Variants in CCNI2 observed in about 807,000 individuals in gnomAD.
CCNI2 encodes cyclin I family member 2.
In CCNI2, 32 loss-of-function variants were observed where a neutral mutation model predicts 33.2. That is an observed-to-expected ratio of 0.96 (90% CI 0.73 to 1.30). The LOEUF is 1.30. Among genes scored for constraint, CCNI2 ranks in the 50% most tolerant of loss-of-function variants. CCNI2 has a pLI of 0.00. For missense variants in CCNI2, 452 were observed against 486.2 expected (o/e 0.93, Z 0.66); for synonymous variants, 231 against 219.9 (o/e 1.05, Z -0.45).
At chr5:132,752,322 A>G in intron 5 of CCNI2, 126 bp downstream of exon 5, 4 of 1,144,718 alleles carry the variant, frequency 3.5e-6, no homozygotes, top group South Asian at 1.6e-5. Flanking sequence ...AACCCTGGAA[A>G]GAGTCTGCCC....
chr5:132,748,833 T>G (rs1754684482), intron 2 of CCNI2, among the ~76,000 whole-genome samples: 1 of 152,122 alleles, frequency 6.6e-6, no homozygotes, highest in Admixed American at 6.6e-5. Flanking sequence ...AGTCCCGAAA[T>G]GAAGGAATAC....
In CCNI2 at chr5:132,747,522, G is replaced by T. The variant is rs779276859; in HGVS notation, c.27G>T (p.Pro9=). 2.0e-6 allele frequency: 3 copies of T among 1,498,816 alleles called. No homozygotes were observed. Among genetic ancestry groups the T allele is most frequent in the East Asian group, 5.6e-5 (2 of 35,460 alleles). 92.8% of individuals were successfully genotyped at this position (1,498,816 alleles called of 1,614,324 possible). Residue 9 remains proline (P), a synonymous_variant, in exon 1 of 6, where the codon CCG becomes CCT. Coordinates refer to ENST00000378731, the MANE Select transcript of CCNI2 (RefSeq NM_001039780.4). The surrounding 1 kb of genome is among the most constrained non-coding windows in gnomAD (Gnocchi z 4.1). MASGAQLP[P]QPSSSEVSAV... ...TGGCCTCGGGCGCTCAGCTCCCGCC[G>T]CAGCCGTCGAGCTCAGAGGTCAGCG... is the stretch of plus-strand genomic sequence containing the variant.
In CCNI2 at chr5:132,753,290, T is replaced by C; in HGVS notation, c.*320T>C. Reference sequence around the variant, plus strand: ...TTTACCTTCCTTCTCCAGCAAGGGTTGGCATTGGCCCCTGGGAGCGCTGGA... The same window carrying C: ...TTTACCTTCCTTCTCCAGCAAGGGTCGGCATTGGCCCCTGGGAGCGCTGGA... On this transcript the variant is annotated 3_prime_UTR_variant, in exon 6 of 6. Transcript: ENST00000378731. 1 of 314,444 alleles carries C rather than the reference T, an allele frequency of 3.2e-6. No homozygotes were observed. Among genetic ancestry groups the C allele is most frequent in the Non-Finnish European group, 6.1e-6 (1 of 164,132 alleles). 19.5% of individuals were successfully genotyped at this position (314,444 alleles called of 1,614,324 possible). A position where few individuals can be genotyped will look rare whatever the true frequency, so the allele number is the denominator to read the frequency against.
chr5:132,749,409 A>T lies in CCNI2; in HGVS notation c.620A>T (p.Asn207Ile). ...ITSLRLAAKV[N>I]EEEEFIPQVK... ...TCCTTGAGGCTCGCTGCAAAAGTTA[A>T]TGAAGAAGAGGAGGTATGCATCCTT... The change falls in exon 3 of 6, where the codon AAT becomes ATT. Residue 207 changes from asparagine (N) to isoleucine (I), a missense_variant. Transcript: ENST00000378731. 1 of 1,614,126 alleles carries T rather than the reference A, an allele frequency of 6.2e-7. No homozygotes were observed. Among genetic ancestry groups the T allele is most frequent in the Non-Finnish European group, 8.5e-7 (1 of 1,179,954 alleles).
chr5:132,753,080 C>A lies in CCNI2; in HGVS notation c.*110C>A. ...AATCCTGTAAAAAGGGAAGGTGGCT[C>A]TGGAAGAGCAACTGAGAAAAAGTTC... On this transcript the variant is annotated 3_prime_UTR_variant, in exon 6 of 6. Transcript: ENST00000378731. The A allele has an allele frequency of 2.3e-6, 2 of 865,468 alleles. No homozygotes were observed. The highest frequency in any genetic ancestry group is 3.6e-6 in the Non-Finnish European group (2 of 548,432). 53.6% of individuals were successfully genotyped at this position (865,468 alleles called of 1,614,324 possible).
chr5:132,754,290 G>C lies in CCNI2; in HGVS notation c.*1320G>C. ...TAGTCCAGAACCCATTTTACAGATG[G>C]AGATGCTGAGGCCATGCTGCTCACA... On this transcript the variant is annotated 3_prime_UTR_variant, in exon 6 of 6. Coordinates refer to ENST00000378731, the MANE Select transcript of CCNI2 (RefSeq NM_001039780.4). 2 of 655,958 alleles carry C rather than the reference G, an allele frequency of 3.0e-6. No individual in the cohort carries two copies. Among genetic ancestry groups the C allele is most frequent in the African/African-American group, 1.8e-5 (1 of 55,650 alleles). The allele number at this position is 655,958 out of a possible 1,614,324, so 40.6% of individuals were successfully genotyped here.
In CCNI2 at chr5:132,753,060, T is replaced by C; in HGVS notation, c.*90T>C. 1 of 1,035,994 alleles carries C rather than the reference T, an allele frequency of 9.7e-7. No homozygotes were observed. Among genetic ancestry groups the C allele is most frequent in the Non-Finnish European group, 1.5e-6 (1 of 680,446 alleles). 64.2% of individuals were successfully genotyped at this position (1,035,994 alleles called of 1,614,324 possible). A position where few individuals can be genotyped will look rare whatever the true frequency, so the allele number is the denominator to read the frequency against. On this transcript the variant is annotated 3_prime_UTR_variant, in exon 6 of 6. Transcript: ENST00000378731. ...GAGTTCTTTGGCTTGTTATGAATCC[T>C]GTAAAAAGGGAAGGTGGCTCTGGAA...
rs1331243689 is a variant in CCNI2, at chr5:132,747,909, G to A, written c.414G>A (p.Arg138=). ...LAQDREARLW[R]GGKPQDEICD... is the part of the protein sequence containing the mutation. ...AGGACCGCGAGGCGCGCCTGTGGCG[G>A]GGCGGCAAACCCCAGGTACCCGTCG... is the stretch of plus-strand genomic sequence containing the variant. Residue 138 remains arginine (R), a synonymous_variant, in exon 1 of 6, where the codon CGG becomes CGA. Transcript: ENST00000378731. This position sits in a 1 kb window ranked among gnomAD's most constrained non-coding sequence, Gnocchi z 4.1. The A allele has an allele frequency of 7.2e-7, 1 of 1,385,990 alleles. No individual in the cohort carries two copies. The highest frequency in any genetic ancestry group is 3.0e-5 in the East Asian group (1 of 33,324). 85.9% of individuals were successfully genotyped at this position (1,385,990 alleles called of 1,614,324 possible).
chr5:132,748,601 C>G, intron 2 of CCNI2, 126 bp downstream of exon 2: 1 of 1,160,270 alleles, frequency 8.6e-7, no homozygotes, highest in South Asian at 1.5e-5. Flanking sequence ...TAACTTGCTC[C>G]GAGTGGAAGA....
downstream of CCNI2, among the ~76,000 whole-genome samples, chr5:132,754,707 C>A (rs1755178159): frequency 3.9e-5 from 6 of 152,222 alleles, no homozygotes; most frequent in South Asian, 1.2e-3. Flanking sequence ...CCCCAGGTCC[C>A]ATCCTACTTC....
chr5:132,750,301 A>G lies in CCNI2; in HGVS notation c.634-556A>G, dbSNP rs551155454. 2.0e-5 allele frequency among the ~76,000 whole-genome samples: 3 copies of G among 152,322 alleles called. No homozygotes were observed. In the South Asian group the frequency reaches 6.2e-4, roughly 32 times the overall value. On this transcript the variant is annotated intron_variant, in intron 3 of 5. Coordinates refer to ENST00000378731, the MANE Select transcript of CCNI2 (RefSeq NM_001039780.4). The stretch of plus-strand genomic sequence containing the variant: ...TTGGTACTCAAATGTTTACTCATAG[A>G]CAAGCCTCATTAGTCCCTCTGTGGG...
At chr5:132,748,305 G>A (rs1754671329) in intron 1 of CCNI2, 42 bp from the exon 2 acceptor site, 1 of 1,608,640 alleles carries the variant, frequency 6.2e-7, no homozygotes, top group Non-Finnish European at 8.5e-7. Flanking sequence ...AGGAGTGGCC[G>A]CTAGCGACCT....
At position 132,750,927 on chromosome 5, in the gene CCNI2, T is replaced by A; in HGVS notation, c.704T>A (p.Met235Lys). 1 of 1,614,244 alleles carries A rather than the reference T, an allele frequency of 6.2e-7. No homozygotes were observed. The highest frequency in any genetic ancestry group is 8.5e-7 in the Non-Finnish European group (1 of 1,180,026). Reference sequence around the variant, plus strand: ...TATTCCCCGAATGAGCTGCTGAGGATGGAGCTGGCTATTCTGGACAGACTG... The same window carrying A: ...TATTCCCCGAATGAGCTGCTGAGGAAGGAGCTGGCTATTCTGGACAGACTG... ...SDYSPNELLR[M>K]ELAILDRLHW... Residue 235 changes from methionine to lysine, a missense_variant, in exon 4 of 6, where the codon ATG (methionine) becomes AAG (lysine). Transcript: ENST00000378731.
chr5:132,756,009 A>G (rs1457803363), downstream of CCNI2: 1 of 985,252 alleles, frequency 1.0e-6, no homozygotes, highest in Admixed American at 6.1e-5. Flanking sequence ...AAAACTCAAA[A>G]TAAATGCAAA....
chr5:132,754,339 G>A lies in CCNI2; in HGVS notation c.*1369G>A, dbSNP rs1581130878. The A allele has an allele frequency of 2.8e-6, 2 of 708,644 alleles. No individual in the cohort carries two copies. The highest frequency in any genetic ancestry group is 3.5e-5 in the African/African-American group (2 of 57,090). The allele number at this position is 708,644 out of a possible 1,614,324, so 43.9% of individuals were successfully genotyped here. On this transcript the variant is annotated 3_prime_UTR_variant, in exon 6 of 6. Transcript: ENST00000378731. ...CAGCTTCCAGTGGTGGCCGTTGAGT[G>A]CCCTCTGCCTCCTTCCTTCCAGTGT...
At chr5:132,748,817 C>G (rs1256148322) in intron 2 of CCNI2, among the ~76,000 whole-genome samples, 1 of 152,186 alleles carries the variant, frequency 6.6e-6, no homozygotes, top group Non-Finnish European at 1.5e-5. Context: ...TTTCCCACCT[C>G]CAGTCAGTCC....
At chr5:132,749,166 G>A (rs1383366443) in intron 2 of CCNI2, among the ~76,000 whole-genome samples, 182 bp from the exon 3 acceptor site, 1 of 152,182 alleles carries the variant, frequency 6.6e-6, no homozygotes, top group African/African-American at 2.4e-5. Flanking sequence ...TGTGACAGGA[G>A]AATCGCTCAA....
rs375314523 is a variant in CCNI2 at position 132,750,932 on chromosome 5, C to T, written c.709C>T (p.Leu237=). Residue 237 remains leucine (L), a synonymous_variant, in exon 4 of 6, where the codon CTG becomes TTG. Coordinates refer to ENST00000378731, the MANE Select transcript of CCNI2 (RefSeq NM_001039780.4). The part of the protein sequence containing the change: ...YSPNELLRME[L]AILDRLHWDL... Reference sequence around the variant, plus strand: ...CCCGAATGAGCTGCTGAGGATGGAGCTGGCTATTCTGGACAGACTGCACTG... The same window carrying T: ...CCCGAATGAGCTGCTGAGGATGGAGTTGGCTATTCTGGACAGACTGCACTG... 6.2e-7 allele frequency: 1 copy of T among 1,614,276 alleles called. No homozygotes were observed. The highest frequency in any genetic ancestry group is 1.7e-5 in the Admixed American group (1 of 60,036).
At chr5:132,748,227 A>G (rs1459479929) in intron 1 of CCNI2, 120 bp from the exon 2 acceptor site, 3 of 1,369,366 alleles carry the variant, frequency 2.2e-6, no homozygotes, top group Non-Finnish European at 2.9e-6. Context: ...GCGGGCATGC[A>G]GAGGAAGGGA....
Sources: allele counts gnomAD v4.1 joint callset (sites outside exome capture counted in the v4.1 genomes callset), GRCh38; gene constraint gnomAD v4.1.1; non-coding constraint Gnocchi (gnomAD v3.1); transcripts MANE v1.5; gene names NCBI Gene and HGNC (gene_info 2026-07-23, HGNC 2026-07-21).